The following MRC1 variants were observed in gnomAD, a reference collection of about 807,000 sequenced individuals.
The protein encoded by MRC1 is macrophage mannose receptor 1.
MRC1 carries 62 observed loss-of-function variants against 102.9 expected under a neutral mutation model. The observed-to-expected ratio is 0.60, with a 90% CI of 0.49 to 0.74. The LOEUF is 0.74. MRC1 is among the 30% of genes least tolerant of loss of function. MRC1 has a pLI of 0.00. For missense variants in MRC1, 1,237 were observed against 862.8 expected, an observed-to-expected ratio of 1.43 and a Z score of -5.43; for synonymous variants, 457 against 298.4, an observed-to-expected ratio of 1.53 and a Z score of -5.48.
intron 17 of MRC1, among the ~76,000 whole-genome samples, chr10:17,875,853 AG>A (rs1368067235): frequency 6.6e-6 from 1 of 152,188 alleles, no homozygotes; most frequent in Non-Finnish European, 1.5e-5. Context: ...TGTTTTGCAT[AG>A]TGGTTGTACT....
chr10:17,825,440 C>T (rs1052771075), intron 2 of MRC1, among the ~76,000 whole-genome samples: 37 of 152,080 alleles, frequency 2.4e-4, no homozygotes, highest in Non-Finnish European at 4.7e-4. Context: ...AGTTATTAAA[C>T]AGAGTTAGTT....
chr10:17,834,715 A>G (rs1838636722), intron 4 of MRC1, among the ~76,000 whole-genome samples: 1 of 152,148 alleles, frequency 6.6e-6, no homozygotes, highest in Non-Finnish European at 1.5e-5. Flanking sequence ...TGCCTGGCCA[A>G]TGTGTTTGTT....
chr10:17,897,792 G>A (rs1833776044), intron 23 of MRC1, among the ~76,000 whole-genome samples: 2 of 152,264 alleles, frequency 1.3e-5, no homozygotes, highest in East Asian at 3.9e-4. Context: ...TTAGAAACTT[G>A]ATCATGTATT....
intron 15 of MRC1, among the ~76,000 whole-genome samples, chr10:17,872,676 A>T (rs927802693): frequency 1.9e-3 from 292 of 152,258 alleles, no homozygotes; most frequent in African/African-American, 6.9e-3. Context: ...TGATGCTATT[A>T]GCCAAACCAT....
At chr10:17,866,235 T>A (rs1185005578) in intron 11 of MRC1, among the ~76,000 whole-genome samples, 5 of 145,822 alleles carry the variant, frequency 3.4e-5, no homozygotes, top group Non-Finnish European at 7.7e-5. Flanking sequence ...CTTAAAAAAT[T>A]AAAAAAGAAA....
At chr10:17,863,440 A>G (rs1438935020) in intron 10 of MRC1, 94 bp from the exon 11 acceptor site, 4 of 767,776 alleles carry the variant, frequency 5.2e-6, no homozygotes, top group South Asian at 4.2e-5. Context: ...TTATAGCTCA[A>G]ACATAGGACT....
chr10:17,855,287 T>C (rs1379128751), intron 8 of MRC1, among the ~76,000 whole-genome samples: 2 of 151,952 alleles, frequency 1.3e-5, no homozygotes, highest in Admixed American at 1.3e-4. Flanking sequence ...AGACGCTGCA[T>C]GCGGCCGGGC....
intron 23 of MRC1, among the ~76,000 whole-genome samples, chr10:17,895,670 G>C (rs1002931855): frequency 2.4e-4 from 36 of 152,188 alleles, no homozygotes; most frequent in African/African-American, 8.7e-4. Flanking sequence ...TTAAGATGGT[G>C]TTTATATACA....
chr10:17,851,390 A>G (rs1197792817), intron 7 of MRC1, among the ~76,000 whole-genome samples: 1 of 151,940 alleles, frequency 6.6e-6, no homozygotes, highest in Non-Finnish European at 1.5e-5. Flanking sequence ...ATTTTTTTTT[A>G]CATAATTGAG....
chr10:17,876,064 C>G (rs1230184375), intron 17 of MRC1, among the ~76,000 whole-genome samples: 1 of 152,060 alleles, frequency 6.6e-6, no homozygotes, highest in South Asian at 2.1e-4. Context: ...AAGGATGGAA[C>G]AGTGACATGT....
intron 1 of MRC1, among the ~76,000 whole-genome samples, chr10:17,819,254 G>A (rs542523348): frequency 2.1e-3 from 318 of 152,286 alleles, no homozygotes; most frequent in African/African-American, 7.4e-3. Flanking sequence ...TATTAGGTAG[G>A]TTTTGCAATT....
chr10:17,809,569 G>A, intron 1 of MRC1, 43 bp downstream of exon 1: 1 of 868,282 alleles, frequency 1.2e-6, no homozygotes, highest in South Asian at 1.3e-5. Flanking sequence ...CTGGGGGGCC[G>A]GAACCACACC....
At chr10:17,891,130 GTTTTATTTATTTA>G (rs1287281725) in intron 22 of MRC1, among the ~76,000 whole-genome samples, 2 of 138,842 alleles carry the variant, frequency 1.4e-5, no homozygotes, top group Non-Finnish European at 3.1e-5. Flanking sequence ...TGTATCACTA[GTTTTATTTATTTA>G]TTTATTTATT....
chr10:17,838,641 T>G (rs1483614510), intron 4 of MRC1, among the ~76,000 whole-genome samples: 1 of 152,150 alleles, frequency 6.6e-6, no homozygotes, highest in East Asian at 1.9e-4. Flanking sequence ...AAAGTTGGTA[T>G]ATAACCATTT....
intron 22 of MRC1, among the ~76,000 whole-genome samples, chr10:17,891,028 A>C (rs1193143128): frequency 1.5e-4 from 23 of 150,832 alleles, no homozygotes; most frequent in African/African-American, 5.6e-4. Flanking sequence ...ATGTCTGATG[A>C]TCTGTCCCTG....
Position 17,879,825 on chromosome 10 carries a change from G to C in MRC1, c.2719+4G>C. 1 of 780,878 alleles carries C rather than the reference G, an allele frequency of 1.3e-6. No individual in the cohort carries two copies. Among genetic ancestry groups the C allele is most frequent in the Non-Finnish European group, 2.4e-6 (1 of 417,960 alleles). 48.4% of individuals were successfully genotyped at this position (780,878 alleles called of 1,614,324 possible). A position where few individuals can be genotyped will look rare whatever the true frequency, so the allele number is the denominator to read the frequency against. ...GTGACCATGTATTCAAATTCAGGTA[G>C]GCAAGTCATGCATATTGAATTTGCT... On this transcript the variant is annotated splice_donor_region_variant and intron_variant, in intron 19 of 29. Transcript: ENST00000569591.
At position 17,859,651 on chromosome 10, in the gene MRC1, C is replaced by T. The variant is rs964516298; in HGVS notation, c.1519-1736C>T. Among the ~76,000 whole-genome samples, 184 of 152,272 alleles carry T rather than the reference C, an allele frequency of 1.2e-3. 1 individual carries two copies. The highest frequency in any genetic ancestry group is 4.2e-3 in the African/African-American group (174 of 41,554). On this transcript the variant is annotated intron_variant, in intron 9 of 29. Transcript: ENST00000569591. Reference sequence around the variant, plus strand: ...GCTTTTGGTTGTGATTTAGTGACCTCTCCATCCCCACCCATCTCCCCAAAT... The same window carrying T: ...GCTTTTGGTTGTGATTTAGTGACCTTTCCATCCCCACCCATCTCCCCAAAT...
chr10:17,883,151 A>G (rs1233405455), intron 21 of MRC1, among the ~76,000 whole-genome samples: 1 of 152,208 alleles, frequency 6.6e-6, no homozygotes, highest in Non-Finnish European at 1.5e-5. Flanking sequence ...TTTTAGAGAT[A>G]GGGTCTCGCT....
chr10:17,827,501 T>C (rs1838499137), intron 2 of MRC1, 41 bp from the exon 3 acceptor site: 2 of 701,434 alleles, frequency 2.9e-6, no homozygotes, highest in Non-Finnish European at 5.4e-6. Flanking sequence ...TGTTCAGAAA[T>C]ATCACTCACA....
Sources: allele counts gnomAD v4.1 joint callset (sites outside exome capture counted in the v4.1 genomes callset), GRCh38; gene constraint gnomAD v4.1.1; transcripts MANE v1.5; gene names NCBI Gene and HGNC (gene_info 2026-07-23, HGNC 2026-07-21).